RTTN: variants seen among roughly 807,000 people sequenced by gnomAD.
RTTN encodes the protein rotatin.
Under a neutral mutation model 269.2 loss-of-function variants are expected in RTTN, and 182 were observed. That is an observed-to-expected ratio of 0.68 (90% confidence interval 0.60 to 0.76). The LOEUF is 0.76. Ranked by LOEUF, RTTN falls within the 30% of genes least tolerant of loss-of-function variation. The probability of loss-of-function intolerance (pLI) is 0.00; values close to 1 mark genes in which losing one functional copy is unlikely to be tolerated. For missense variants in RTTN, 2,545 were observed against 2,608.6 expected (o/e 0.98, Z 0.53); for synonymous variants, 1,006 against 963.5 (o/e 1.04, Z -0.82).
At chr18:70,106,866 ATC>A (rs1241786466) in intron 28 of RTTN, among the ~76,000 whole-genome samples, 1 of 152,202 alleles carries the variant, frequency 6.6e-6, no homozygotes, top group Non-Finnish European at 1.5e-5. Context: ...TGCTATCACT[ATC>A]AATTTACTTA....
At chr18:70,064,938 T>C (rs2058091842) in intron 35 of RTTN, among the ~76,000 whole-genome samples, 1 of 152,192 alleles carries the variant, frequency 6.6e-6, no homozygotes, top group Non-Finnish European at 1.5e-5. Flanking sequence ...TCATGCCCTA[T>C]GTCCTGAGCC....
intron 8 of RTTN, among the ~76,000 whole-genome samples, chr18:70,192,669 C>CAAAAAAA (rs11313917): frequency 5.6e-5 from 5 of 89,880 alleles, no homozygotes; most frequent in Non-Finnish European, 8.9e-5. Flanking sequence ...GACCTTGTCT[C>CAAAAAAA]AAAAAAAAAA....
chr18:70,162,904 A>AC lies in RTTN; in HGVS notation c.1929+3157dup, dbSNP rs1432216955. Among the ~76,000 whole-genome samples, 32 of 146,828 alleles carry AC rather than the reference A, an allele frequency of 2.2e-4. 1 individual carries two copies. The highest frequency in any genetic ancestry group is 1.6e-3 in the South Asian group (7 of 4,484). ...AAAAGTTGAAAAAAAAAAAAAAAAA[A>AC]CAGAAACTAATGAAAGATTACATGA... On this transcript the variant is annotated intron_variant, in intron 14 of 48. Coordinates refer to ENST00000640769, the MANE Select transcript of RTTN (RefSeq NM_173630.4).
Position 70,205,643 on chromosome 18 carries a change from G to C in RTTN, c.16C>G (p.Leu6Val), listed in dbSNP as rs1406869402. The C allele has an allele frequency of 6.2e-7, 1 of 1,614,154 alleles. No individual in the cohort carries two copies. Among genetic ancestry groups the C allele is most frequent in the South Asian group, 1.1e-5 (1 of 91,082 alleles). The change falls in exon 1 of 49, where the codon CTC becomes GTC. Residue 6 changes from leucine (L) to valine (V), a missense_variant. By Grantham distance (32) the Leu-to-Val change is conservative (BLOSUM62 1). Transcript: ENST00000640769. ...TGACAGTTACCGAGTTTCCTGATGA[G>C]CCCTGCCAGGACCATCTCGTCCCGT... MVLAG[L>V]IRKLGHQLAE...
intron 25 of RTTN, among the ~76,000 whole-genome samples, chr18:70,123,383 ATATTAT>A (rs2059787093): frequency 1.3e-5 from 2 of 152,032 alleles, no homozygotes; most frequent in African/African-American, 2.4e-5. Flanking sequence ...TTTGAAACAT[ATATTAT>A]TATTAACTAT....
chr18:70,017,402 C>T lies in RTTN; in HGVS notation c.6421+5G>A. ...ATATAAATGTATGTGTGTGTGAAAA[C>T]TTACCATTAGCCAGGATCTTGGGTT... On this transcript the variant is annotated splice_donor_5th_base_variant and intron_variant, in intron 46 of 48. Transcript: ENST00000640769. 2 of 1,612,790 alleles carry T rather than the reference C, an allele frequency of 1.2e-6. No individual in the cohort carries two copies. The highest frequency in any genetic ancestry group is 1.7e-6 in the Non-Finnish European group (2 of 1,179,258).
intron 14 of RTTN, among the ~76,000 whole-genome samples, chr18:70,159,012 G>A (rs1176578455): frequency 3.9e-5 from 6 of 152,134 alleles, no homozygotes; most frequent in Non-Finnish European, 7.3e-5. Context: ...ACACCCCACT[G>A]ACAGTGTTAG....
At chr18:70,049,908 T>C (rs2057607587) in intron 39 of RTTN, among the ~76,000 whole-genome samples, 1 of 152,192 alleles carries the variant, frequency 6.6e-6, no homozygotes. Context: ...ATCCTAACTT[T>C]CCATGTTATC....
intron 11 of RTTN, among the ~76,000 whole-genome samples, chr18:70,169,974 A>T (rs2061095007): frequency 6.6e-6 from 1 of 152,208 alleles, no homozygotes; most frequent in Non-Finnish European, 1.5e-5. Context: ...CAGCTAAACA[A>T]CGATACCTTT....
In RTTN at chr18:70,189,841, C is replaced by T. The variant is rs533786796; in HGVS notation, c.1189+697G>A. On this transcript the variant is annotated intron_variant, in intron 9 of 48. Coordinates refer to ENST00000640769, the MANE Select transcript of RTTN (RefSeq NM_173630.4). ...TTGTTTCATTACTAGACTCAGCAGACCTCTGTCATATTGTTATTGCTGTTA... is the reference window on the plus strand; with the variant it reads ...TTGTTTCATTACTAGACTCAGCAGATCTCTGTCATATTGTTATTGCTGTTA... Among the ~76,000 whole-genome samples the T allele has an allele frequency of 7.9e-5, 12 of 152,322 alleles. No individual in the cohort carries two copies. The South Asian group carries it at 2.5e-3, about 32-fold the overall frequency.
chr18:70,006,324 C>T, intron 47 of RTTN, 57 bp downstream of exon 47: 2 of 1,218,772 alleles, frequency 1.6e-6, no homozygotes, highest in Admixed American at 3.4e-5. Context: ...AGAGTTTATA[C>T]CTGGGTTATA....
chr18:70,017,741 G>T, intron 45 of RTTN, 67 bp from the exon 46 acceptor site: 1 of 1,321,496 alleles, frequency 7.6e-7, no homozygotes. Context: ...GTCCCTTGGT[G>T]ACCAATTAAC....
At position 70,085,107 on chromosome 18, in the gene RTTN, G is replaced by A. The variant is rs550133550; in HGVS notation, c.4374+1506C>T. ...GGTCACTAGTTTAACAATGGGAGTA[G>A]AGATTATTTGTATTTGAGCCAAAAA... On this transcript the variant is annotated intron_variant, in intron 32 of 48. Transcript: ENST00000640769. Among the ~76,000 whole-genome samples, 13 of 152,294 alleles carry A rather than the reference G, an allele frequency of 8.5e-5. No homozygotes were observed. In the East Asian group the frequency reaches 1.9e-3, roughly 23 times the overall value.
At chr18:70,018,309 A>C (rs1599122034) in intron 45 of RTTN, among the ~76,000 whole-genome samples, 1 of 152,082 alleles carries the variant, frequency 6.6e-6, no homozygotes, top group South Asian at 2.1e-4. Flanking sequence ...CTTCCAAAAA[A>C]CCCCACCAAA....
chr18:70,059,797 T>G, intron 36 of RTTN, 53 bp downstream of exon 36: 1 of 1,197,062 alleles, frequency 8.4e-7, no homozygotes, highest in Non-Finnish European at 1.2e-6. Context: ...TGAATACAGT[T>G]TGTGTAAATT....
At chr18:70,205,533 G>A (rs957502837) in intron 1 of RTTN, 95 bp downstream of exon 1, 3 of 1,531,348 alleles carry the variant, frequency 2.0e-6, no homozygotes, top group Non-Finnish European at 2.7e-6. Flanking sequence ...GGGAGCGGTC[G>A]CGGAGCGGCC....
chr18:70,130,764 T>C (rs1039256034), intron 23 of RTTN: 1 of 151,936 alleles, frequency 6.6e-6, no homozygotes, highest in African/African-American at 2.4e-5. Flanking sequence ...TTGTTGTATA[T>C]TTCAAAATAA....
intron 40 of RTTN, among the ~76,000 whole-genome samples, chr18:70,031,729 T>A (rs1037866604): frequency 4.7e-5 from 7 of 150,524 alleles, no homozygotes; most frequent in African/African-American, 1.7e-4. Context: ...AGGAGGAACA[T>A]CTCCCACTGA....
At chr18:70,120,631 C>T (rs988694078) in intron 26 of RTTN, among the ~76,000 whole-genome samples, 13 of 152,130 alleles carry the variant, frequency 8.5e-5, no homozygotes, top group African/African-American at 2.4e-4. Flanking sequence ...TAAATTCATA[C>T]GGTATTTGCA....
Sources: allele counts gnomAD v4.1 joint callset (sites outside exome capture counted in the v4.1 genomes callset), GRCh38; gene constraint gnomAD v4.1.1; transcripts MANE v1.5; gene names NCBI Gene and HGNC (gene_info 2026-07-23, HGNC 2026-07-21).